The following SH3BGR variants were observed in gnomAD, a reference collection of about 807,000 sequenced individuals.
SH3BGR encodes SH3 domain binding glutamate rich protein.
A neutral mutation model predicts 24.5 loss-of-function variants in SH3BGR; 29 were observed. The ratio of observed to expected loss-of-function variants is 1.18; its 90% CI spans 0.88 to 1.61. SH3BGR has a LOEUF of 1.61. Ranked by LOEUF, SH3BGR falls within the 40% of genes most tolerant of loss-of-function variation. SH3BGR has a pLI of 0.00. For missense variants in SH3BGR, 162 were observed against 205.8 expected (o/e 0.79, Z 1.30); for synonymous variants, 55 against 65.7 (o/e 0.84, Z 0.79).
At chr21:39,467,469 C>T (rs1044255791) in intron 2 of SH3BGR, among the ~76,000 whole-genome samples, 1 of 152,070 alleles carries the variant, frequency 6.6e-6, no homozygotes, top group Non-Finnish European at 1.5e-5. Flanking sequence ...ATTTGCTTTT[C>T]TGTGGTCTAT....
chr21:39,471,819 G>A (rs2077946219), intron 2 of SH3BGR, among the ~76,000 whole-genome samples: 1 of 152,050 alleles, frequency 6.6e-6, no homozygotes. Flanking sequence ...ACGTGTGTTT[G>A]TTTAATCCAC....
chr21:39,476,679 A>T (rs1200493940), intron 3 of SH3BGR, among the ~76,000 whole-genome samples: 1 of 152,058 alleles, frequency 6.6e-6, no homozygotes, highest in Non-Finnish European at 1.5e-5. Flanking sequence ...TCTCGTCTTA[A>T]CCCAAGTTCT....
chr21:39,485,343 C>T (rs1265910903), intron 3 of SH3BGR, among the ~76,000 whole-genome samples: 3 of 152,112 alleles, frequency 2.0e-5, no homozygotes, highest in Non-Finnish European at 4.4e-5. Flanking sequence ...AATTTTTGAA[C>T]TCCAGAGGAA....
chr21:39,453,279 C>A (rs942409574), intron 1 of SH3BGR, among the ~76,000 whole-genome samples: 6 of 152,170 alleles, frequency 3.9e-5, no homozygotes, highest in Non-Finnish European at 7.3e-5. Context: ...ATCTCTAGAA[C>A]AAATTAGCCG....
chr21:39,491,123 G>A (rs944213871), intron 3 of SH3BGR, among the ~76,000 whole-genome samples: 1 of 151,580 alleles, frequency 6.6e-6, no homozygotes, highest in African/African-American at 2.4e-5. Flanking sequence ...TTGTGTTTAG[G>A]TTTACTATTT....
chr21:39,460,770 CTAT>C (rs965077209), intron 1 of SH3BGR, among the ~76,000 whole-genome samples: 1 of 152,088 alleles, frequency 6.6e-6, no homozygotes, highest in Non-Finnish European at 1.5e-5. Flanking sequence ...ACCCAGCCTT[CTAT>C]TCTTCTTTAA....
At chr21:39,459,086 A>G (rs2077712138) in intron 1 of SH3BGR, among the ~76,000 whole-genome samples, 2 of 151,852 alleles carry the variant, frequency 1.3e-5, no homozygotes, top group Non-Finnish European at 2.9e-5. Context: ...TGTTCACATG[A>G]AGGACTTGGC....
rs117755849 is a variant in SH3BGR, at chr21:39,480,007, A to T, written c.312+4792A>T. On this transcript the variant is annotated intron_variant, in intron 3 of 6. Transcript: ENST00000333634. ...AAATATCTGTTTTCAGCTTCTCATG[A>T]TTAACTAGAAACTGCCTGTAGTTTT... 8.5e-5 allele frequency among the ~76,000 whole-genome samples: 13 copies of T among 152,256 alleles called. No individual in the cohort carries two copies. The East Asian group carries it at 1.7e-3, about 20-fold the overall frequency.
chr21:39,454,639 A>G (rs547030519), intron 1 of SH3BGR, among the ~76,000 whole-genome samples: 1 of 152,344 alleles, frequency 6.6e-6, no homozygotes, highest in East Asian at 1.9e-4. Flanking sequence ...ATCTTTAAGG[A>G]CAGACCCTCA....
chr21:39,451,889 A>G (rs556737905), upstream of SH3BGR: 283 of 1,612,354 alleles, frequency 1.8e-4, 4 homozygotes, highest in South Asian at 3.0e-3. Flanking sequence ...TCCTGGGCCA[A>G]TGGAGGGAGG....
At chr21:39,498,279 G>C (rs1303128478) in intron 3 of SH3BGR, among the ~76,000 whole-genome samples, 1 of 152,194 alleles carries the variant, frequency 6.6e-6, no homozygotes, top group Non-Finnish European at 1.5e-5. Context: ...GGGTGGGATT[G>C]GAGGGTGTGT....
chr21:39,507,985 C>T (rs2123543958), intron 4 of SH3BGR, among the ~76,000 whole-genome samples: 1 of 152,292 alleles, frequency 6.6e-6, no homozygotes, highest in Middle Eastern at 3.4e-3. Flanking sequence ...GTAACAAAGA[C>T]ACTTAATTAG....
At chr21:39,509,411 G>C (rs1407534884) in intron 5 of SH3BGR, among the ~76,000 whole-genome samples, 1 of 151,372 alleles carries the variant, frequency 6.6e-6, no homozygotes, top group Non-Finnish European at 1.5e-5. Flanking sequence ...TGTTTTCATT[G>C]AGGGAGGGAT....
At chr21:39,498,055 A>G (rs926497754) in intron 3 of SH3BGR, among the ~76,000 whole-genome samples, 9 of 152,260 alleles carry the variant, frequency 5.9e-5, no homozygotes, top group African/African-American at 2.2e-4. Context: ...GATGTTAAAA[A>G]GAATGATTCA....
chr21:39,513,507 T>C (rs1349498977), intron 6 of SH3BGR, among the ~76,000 whole-genome samples: 1 of 151,596 alleles, frequency 6.6e-6, no homozygotes, highest in Non-Finnish European at 1.5e-5. Flanking sequence ...CATCACACTT[T>C]GTTATTGGAC....
chr21:39,514,848 T>C (rs1465575638), intron 6 of SH3BGR, among the ~76,000 whole-genome samples: 1 of 152,222 alleles, frequency 6.6e-6, no homozygotes, highest in Non-Finnish European at 1.5e-5. Context: ...GAAATTATAA[T>C]TGGAGATGTT....
chr21:39,497,108 C>G (rs2078409175), intron 3 of SH3BGR, among the ~76,000 whole-genome samples: 1 of 151,208 alleles, frequency 6.6e-6, no homozygotes, highest in Admixed American at 6.6e-5. Context: ...GGTCTTGGAA[C>G]TAATACATGT....
chr21:39,504,440 G>A (rs746690374), intron 4 of SH3BGR, among the ~76,000 whole-genome samples: 9 of 152,122 alleles, frequency 5.9e-5, no homozygotes, highest in Non-Finnish European at 1.2e-4. Flanking sequence ...CCCAGTGAAC[G>A]CTGCCTGGCA....
At chr21:39,458,584 T>C (rs982087278) in intron 1 of SH3BGR, among the ~76,000 whole-genome samples, 19 of 151,762 alleles carry the variant, frequency 1.3e-4, no homozygotes, top group African/African-American at 4.6e-4. Flanking sequence ...GTGATCCACC[T>C]ACCTTGGCCT....
Sources: gnomAD v4.1 joint callset for allele counts (sites outside exome capture counted in the v4.1 genomes callset) on GRCh38, gnomAD v4.1.1 for gene constraint, MANE v1.5 for transcripts, NCBI Gene and HGNC (gene_info 2026-07-23, HGNC 2026-07-21) for gene names.